Variants in NCAM2 observed in about 807,000 individuals in gnomAD.
NCAM2 encodes the protein N-CAM-2.
Under a neutral mutation model 98.1 loss-of-function variants are expected in NCAM2, and 30 were observed. The ratio of observed to expected loss-of-function variants is 0.31; its 90% CI spans 0.23 to 0.41. NCAM2 has a LOEUF of 0.41. NCAM2 is among the 10% of genes least tolerant of loss of function. The pLI, the probability that NCAM2 is intolerant of heterozygous loss-of-function variation, is 1.00. For synonymous variants in NCAM2, 368 were observed against 342.4 expected (o/e 1.07, Z -0.83); for missense variants, 867 against 1,005.8 (o/e 0.86, Z 1.87).
intron 1 of NCAM2, among the ~76,000 whole-genome samples, chr21:21,199,649 A>G (rs758414360): frequency 1.3e-5 from 2 of 152,222 alleles, no homozygotes; most frequent in African/African-American, 2.4e-5. Flanking sequence ...ACCTCAGTAA[A>G]GAACACAAAA....
rs187081417 is a variant in NCAM2 at position 21,431,471 on chromosome 21, A to G, written c.1481-637A>G. Among the ~76,000 whole-genome samples the G allele has an allele frequency of 1.8e-3, 269 of 152,220 alleles. 1 individual carries two copies. The highest frequency in any genetic ancestry group is 6.2e-3 in the African/African-American group (257 of 41,542). On this transcript the variant is annotated intron_variant, in intron 11 of 17. Coordinates refer to ENST00000400546, the MANE Select transcript of NCAM2 (RefSeq NM_004540.5). ...GTGGATGGATTAAAATAAAACACAC[A>G]AGAAGAATTTTATAGCTATTTTGAA...
intron 12 of NCAM2, among the ~76,000 whole-genome samples, chr21:21,453,371 G>A (rs1981628048): frequency 6.6e-6 from 1 of 151,728 alleles, no homozygotes; most frequent in South Asian, 2.1e-4. Context: ...TCAGTATGAA[G>A]GGCGTCCTGC....
chr21:21,040,708 A>G (rs2064887015), intron 1 of NCAM2, among the ~76,000 whole-genome samples: 2 of 152,184 alleles, frequency 1.3e-5, no homozygotes, highest in African/African-American at 4.8e-5. Flanking sequence ...GCATGTTCTC[A>G]TTCATATATG....
At chr21:21,191,663 G>T (rs574887230) in intron 1 of NCAM2, among the ~76,000 whole-genome samples, 2 of 152,194 alleles carry the variant, frequency 1.3e-5, no homozygotes, top group South Asian at 4.1e-4. Context: ...AAACATATTG[G>T]CACTATTTGT....
At chr21:21,316,720 T>C (rs899774645) in intron 5 of NCAM2, among the ~76,000 whole-genome samples, 2 of 151,944 alleles carry the variant, frequency 1.3e-5, no homozygotes, top group Non-Finnish European at 2.9e-5. Context: ...ATTTTTGTAC[T>C]TTTAGTAGAG....
intron 9 of NCAM2, among the ~76,000 whole-genome samples, chr21:21,395,542 C>T (rs1210848959): frequency 6.6e-6 from 1 of 152,002 alleles, no homozygotes; most frequent in Admixed American, 6.6e-5. Flanking sequence ...TATGGGACCA[C>T]AAAAGAGCCC....
chr21:21,050,190 C>T (rs185365070), intron 1 of NCAM2, among the ~76,000 whole-genome samples: 7 of 152,030 alleles, frequency 4.6e-5, no homozygotes, highest in African/African-American at 1.4e-4. Flanking sequence ...ATGTACTCCT[C>T]GATTTGCATT....
intron 8 of NCAM2, among the ~76,000 whole-genome samples, chr21:21,356,879 A>G (rs1009290465): frequency 6.6e-6 from 1 of 151,824 alleles, no homozygotes; most frequent in African/African-American, 2.4e-5. Flanking sequence ...AATCCCAGCT[A>G]CTCCGAAGGC....
Position 21,303,884 on chromosome 21 carries a change from A to G in NCAM2, c.619+11643A>G, listed in dbSNP as rs145201040. On this transcript the variant is annotated intron_variant, in intron 5 of 17. Transcript: ENST00000400546. ...TCCCTAATGCCTCAGGATGTTAAACATCTTCTCATATACAACTCAGCATTG... is the reference window on the plus strand; with the variant it reads ...TCCCTAATGCCTCAGGATGTTAAACGTCTTCTCATATACAACTCAGCATTG... 9.2e-5 allele frequency among the ~76,000 whole-genome samples: 14 copies of G among 152,268 alleles called. 1 individual carries two copies. The highest frequency in any genetic ancestry group is 9.2e-4 in the Admixed American group (14 of 15,286).
intron 17 of NCAM2, among the ~76,000 whole-genome samples, chr21:21,537,521 C>T (rs1363847899): frequency 6.6e-6 from 1 of 152,084 alleles, no homozygotes; most frequent in Non-Finnish European, 1.5e-5. Context: ...ATCTAAGCCA[C>T]CCTATAGTGA....
chr21:21,104,728 G>GTA (rs763612616), intron 1 of NCAM2, among the ~76,000 whole-genome samples: 10 of 152,138 alleles, frequency 6.6e-5, no homozygotes, highest in Non-Finnish European at 1.3e-4. Context: ...AGAGTCTTTA[G>GTA]TAATCTCTGC....
intron 5 of NCAM2, among the ~76,000 whole-genome samples, chr21:21,310,960 C>A (rs999186046): frequency 6.6e-6 from 1 of 152,196 alleles, no homozygotes; most frequent in Non-Finnish European, 1.5e-5. Flanking sequence ...AGACCTACTT[C>A]TCAGGAAATA....
chr21:21,331,117 T>C (rs1244441057), intron 6 of NCAM2, among the ~76,000 whole-genome samples: 2 of 152,040 alleles, frequency 1.3e-5, no homozygotes, highest in East Asian at 3.9e-4. Flanking sequence ...CATACCTATA[T>C]TTTGTAACTG....
At chr21:21,432,063 T>G in intron 11 of NCAM2, 45 bp from the exon 12 acceptor site, 2 of 1,574,078 alleles carry the variant, frequency 1.3e-6, no homozygotes, top group Non-Finnish European at 1.7e-6. Context: ...TAATGGCCAT[T>G]CCCATTCCCT....
intron 15 of NCAM2, among the ~76,000 whole-genome samples, chr21:21,489,739 G>A (rs1986692586): frequency 6.6e-6 from 1 of 151,970 alleles, no homozygotes; most frequent in Non-Finnish European, 1.5e-5. Flanking sequence ...CTCATAAATA[G>A]TATTGTTTAA....
chr21:21,280,476 G>T lies in NCAM2; in HGVS notation c.56-102G>T, dbSNP rs182159836. 2.5e-5 allele frequency: 18 copies of T among 710,830 alleles called. No individual in the cohort carries two copies. In the African/African-American group the frequency reaches 3.4e-4, roughly 13 times the overall value. 44.0% of individuals were successfully genotyped at this position (710,830 alleles called of 1,614,324 possible). On this transcript the variant is annotated intron_variant, in intron 1 of 17. Coordinates refer to ENST00000400546, the MANE Select transcript of NCAM2 (RefSeq NM_004540.5). ...TTTATAGGTAATAAAAAATTGGGGGGAAATAATCAGCGTTTGGACCATGTG... is the reference window on the plus strand; with the variant it reads ...TTTATAGGTAATAAAAAATTGGGGGTAAATAATCAGCGTTTGGACCATGTG...
intron 11 of NCAM2, among the ~76,000 whole-genome samples, chr21:21,419,305 C>CTTTT (rs34109924): frequency 1.0e-5 from 1 of 99,958 alleles, no homozygotes; most frequent in Admixed American, 1.1e-4. Flanking sequence ...AAATAGGGAA[C>CTTTT]TTTTTTTTTT....
In NCAM2 at chr21:21,410,281, C is replaced by A. The variant is rs773904536; in HGVS notation, c.1203C>A (p.Pro401=). 2 of 1,523,522 alleles carry A rather than the reference C, an allele frequency of 1.3e-6. No individual in the cohort carries two copies. The highest frequency in any genetic ancestry group is 8.8e-7 in the Non-Finnish European group (1 of 1,132,416). 94.4% of individuals were successfully genotyped at this position (1,523,522 alleles called of 1,614,324 possible). The change falls in exon 10 of 18, where the codon CCC becomes CCA. Residue 401 remains proline, a synonymous_variant. Coordinates refer to ENST00000400546, the MANE Select transcript of NCAM2 (RefSeq NM_004540.5). The part of the protein sequence containing the change: ...KSMYLDIEYA[P]KFISNQTIYY... ...TATTATATTGTATTACAGATGCCCCCAAGTTTATATCAAACCAAACAATTT... is the reference window on the plus strand; with the variant it reads ...TATTATATTGTATTACAGATGCCCCAAAGTTTATATCAAACCAAACAATTT...
At chr21:21,492,848 G>T (rs1374167588) in intron 15 of NCAM2, among the ~76,000 whole-genome samples, 1 of 151,608 alleles carries the variant, frequency 6.6e-6, no homozygotes, top group African/African-American at 2.4e-5. Flanking sequence ...GTTTAAATGT[G>T]GTTAAATAAA....
Sources: gnomAD v4.1 joint callset for allele counts (sites outside exome capture counted in the v4.1 genomes callset) on GRCh38, gnomAD v4.1.1 for gene constraint, MANE v1.5 for transcripts, NCBI Gene and HGNC (gene_info 2026-07-23, HGNC 2026-07-21) for gene names.